Variants in ABHD12 observed in about 807,000 individuals in gnomAD.
ABHD12 encodes abhydrolase domain containing 12, lysophospholipase, also known as lysophosphatidylserine lipase ABHD12.
Under a neutral mutation model 58.3 loss-of-function variants are expected in ABHD12, and 43 were observed. The ratio of observed to expected loss-of-function variants is 0.74; its 90% CI spans 0.58 to 0.95. The LOEUF (loss-of-function observed/expected upper bound fraction) is 0.95, where lower values mean the gene tolerates loss of function less well. Ranked by LOEUF, ABHD12 falls within the 40% of genes least tolerant of loss-of-function variation. ABHD12 has a pLI of 0.00. For synonymous variants in ABHD12, 219 were observed against 211.2 expected (o/e 1.04, Z -0.32); for missense variants, 539 against 537.2 (o/e 1.00, Z -0.03).
chr20:25,344,381 T>C (rs1422097975), intron 1 of ABHD12, among the ~76,000 whole-genome samples: 1 of 152,194 alleles, frequency 6.6e-6, no homozygotes, highest in African/African-American at 2.4e-5. Context: ...AAGCCAATAG[T>C]TTTCATATAT....
chr20:25,384,829 C>G (rs1418939636), intron 1 of ABHD12, among the ~76,000 whole-genome samples: 1 of 152,182 alleles, frequency 6.6e-6, no homozygotes, highest in Admixed American at 6.5e-5. Flanking sequence ...GGACCACATT[C>G]CTGCCAGGCA....
chr20:25,300,703 G>C lies in ABHD12; in HGVS notation c.*142C>G. On this transcript the variant is annotated 3_prime_UTR_variant, in exon 13 of 13. Coordinates refer to ENST00000339157, the MANE Select transcript of ABHD12 (RefSeq NM_001042472.3). ...GGCCTGCAGGGGCCTCCCCGCCTGG[G>C]ATCTGAGGTGCTCTCCAGGTGCGAG... is the stretch of plus-strand genomic sequence containing the variant. The C allele has an allele frequency of 1.3e-6, 2 of 1,551,242 alleles. No individual in the cohort carries two copies. The highest frequency in any genetic ancestry group is 1.7e-6 in the Non-Finnish European group (2 of 1,152,648).
At chr20:25,348,846 G>T (rs952367949) in intron 1 of ABHD12, among the ~76,000 whole-genome samples, 8 of 152,068 alleles carry the variant, frequency 5.3e-5, no homozygotes, top group African/African-American at 1.9e-4. Context: ...ACTTTGGGAG[G>T]CCGAGATGGG....
chr20:25,321,516 T>C (rs1182276647), intron 3 of ABHD12, among the ~76,000 whole-genome samples: 1 of 152,188 alleles, frequency 6.6e-6, no homozygotes, highest in Non-Finnish European at 1.5e-5. Flanking sequence ...GGCATGAGAG[T>C]GGGCAGCAGC....
At chr20:25,305,500 C>G (rs1351338250) in intron 10 of ABHD12, among the ~76,000 whole-genome samples, 1 of 151,472 alleles carries the variant, frequency 6.6e-6, no homozygotes, top group East Asian at 2.0e-4. Flanking sequence ...TTAGCTGGGA[C>G]TACAGGCACG....
At chr20:25,375,042 T>C (rs67069812) in intron 1 of ABHD12, among the ~76,000 whole-genome samples, 16,700 of 152,132 alleles carry the variant, frequency 0.11, 1,719 homozygotes, top group African/African-American at 0.28. Context: ...AATGAGGTCA[T>C]CAGGGTGGAC....
chr20:25,350,646 G>A (rs566303407), intron 1 of ABHD12, among the ~76,000 whole-genome samples: 7 of 152,188 alleles, frequency 4.6e-5, no homozygotes, highest in Admixed American at 2.0e-4. Flanking sequence ...TATTAGCAGC[G>A]TGAGAACAGA....
At chr20:25,350,996 CA>C (rs1460815376) in intron 1 of ABHD12, among the ~76,000 whole-genome samples, 8 of 103,462 alleles carry the variant, frequency 7.7e-5, no homozygotes, top group Non-Finnish European at 1.5e-4. Flanking sequence ...CACACACACA[CA>C]CACACACACA....
At chr20:25,390,478 C>CCCCCCCCCCCCCCCCCCCCCCCCCCA in intron 1 of ABHD12, 35 bp downstream of exon 1, 1 of 23,384 alleles carries the variant, frequency 4.3e-5, no homozygotes, top group South Asian at 1.1e-3. Flanking sequence ...GAGGGACCGG[C>CCCCCCCCCCCCCCCCCCCCCCCCCCA]CCCCCCCCCC....
chr20:25,359,851 G>A lies in ABHD12; in HGVS notation c.192-20500C>T, dbSNP rs968322245. On this transcript the variant is annotated intron_variant, in intron 1 of 12. Coordinates refer to ENST00000339157, the MANE Select transcript of ABHD12 (RefSeq NM_001042472.3). Reference sequence around the variant, plus strand: ...TCCAAAAAGTGCTAGGATTATAGGCGTGAGCCACTGTGCCTGGCCAAGAAC... The same window carrying A: ...TCCAAAAAGTGCTAGGATTATAGGCATGAGCCACTGTGCCTGGCCAAGAAC... Among the ~76,000 whole-genome samples the A allele has an allele frequency of 3.3e-5, 5 of 152,262 alleles. 1 individual carries two copies. The highest frequency in any genetic ancestry group is 2.1e-4 in the South Asian group (1 of 4,818).
intron 1 of ABHD12, among the ~76,000 whole-genome samples, chr20:25,355,562 T>G (rs1207559647): frequency 6.6e-6 from 1 of 152,096 alleles, no homozygotes; most frequent in Non-Finnish European, 1.5e-5. Flanking sequence ...GTTTTTTTTT[T>G]GTTGTTTGTT....
chr20:25,347,880 C>T lies in ABHD12; in HGVS notation c.192-8529G>A, dbSNP rs1480561253. 4.1e-5 allele frequency among the ~76,000 whole-genome samples: 6 copies of T among 147,984 alleles called. 1 individual carries two copies. The South Asian group carries it at 1.1e-3, about 27-fold the overall frequency. On this transcript the variant is annotated intron_variant, in intron 1 of 12. Transcript: ENST00000339157. ...TGTTTTCATGTTTTTAAAAAAAGTT[C>T]ACATATGATGTTGGCTGTGGGTTTA...
chr20:25,387,040 T>A (rs1162131301), intron 1 of ABHD12, among the ~76,000 whole-genome samples: 1 of 152,134 alleles, frequency 6.6e-6, no homozygotes, highest in Non-Finnish European at 1.5e-5. Context: ...ATTCCACAGA[T>A]GTACACTGGC....
At chr20:25,320,809 T>C (rs2089052412) in intron 3 of ABHD12, among the ~76,000 whole-genome samples, 1 of 148,016 alleles carries the variant, frequency 6.8e-6, no homozygotes, top group African/African-American at 2.5e-5. Flanking sequence ...AACCGGGCCA[T>C]CGCTGACGCC....
At chr20:25,325,076 T>C (rs1458728791) in intron 2 of ABHD12, among the ~76,000 whole-genome samples, 2 of 151,832 alleles carry the variant, frequency 1.3e-5, no homozygotes, top group Non-Finnish European at 2.9e-5. Context: ...TAAGGTGACA[T>C]GCACCTGTGA....
intron 2 of ABHD12, 140 bp from the exon 3 acceptor site, chr20:25,323,570 C>T: frequency 1.4e-6 from 1 of 696,876 alleles, no homozygotes; most frequent in Non-Finnish European, 2.6e-6. Context: ...CATGCACACA[C>T]TGCAGAAGCT....
At chr20:25,343,975 C>T (rs2089487211) in intron 1 of ABHD12, among the ~76,000 whole-genome samples, 2 of 152,066 alleles carry the variant, frequency 1.3e-5, no homozygotes, top group Non-Finnish European at 1.5e-5. Flanking sequence ...ATATGAAAAT[C>T]AATTAATGTA....
At chr20:25,381,951 C>T (rs2090027635) in intron 1 of ABHD12, among the ~76,000 whole-genome samples, 1 of 152,198 alleles carries the variant, frequency 6.6e-6, no homozygotes, top group Admixed American at 6.5e-5. Flanking sequence ...AGCCACCACA[C>T]TGGCCAGTAC....
At chr20:25,367,882 G>A (rs951056339) in intron 1 of ABHD12, among the ~76,000 whole-genome samples, 3 of 152,154 alleles carry the variant, frequency 2.0e-5, no homozygotes, top group African/African-American at 7.2e-5. Context: ...GGCTCTTAGA[G>A]ACCCTGTTTT....
Sources: allele counts gnomAD v4.1 joint callset (sites outside exome capture counted in the v4.1 genomes callset), GRCh38; gene constraint gnomAD v4.1.1; transcripts MANE v1.5; gene names NCBI Gene and HGNC (gene_info 2026-07-23, HGNC 2026-07-21).